Variants in ABHD5 observed in about 807,000 individuals in gnomAD.
ABHD5 encodes the protein abhydrolase domain containing 5, lysophosphatidic acid acyltransferase.
In ABHD5, 30 loss-of-function variants were observed where a neutral mutation model predicts 44.9. The observed-to-expected ratio is 0.67, with a 90% CI of 0.50 to 0.91. ABHD5 has a LOEUF of 0.91. Ranked by LOEUF, ABHD5 falls within the 40% of genes least tolerant of loss-of-function variation. ABHD5 has a pLI of 0.00. For missense variants in ABHD5, 399 were observed against 423.4 expected, an observed-to-expected ratio of 0.94 and a Z score of 0.50; for synonymous variants, 167 against 147.0, an observed-to-expected ratio of 1.14 and a Z score of -0.99.
chr3:43,725,781 T>C (rs1357098659), downstream of ABHD5, among the ~76,000 whole-genome samples: 3 of 152,110 alleles, frequency 2.0e-5, no homozygotes, highest in African/African-American at 7.2e-5. Context: ...AATAGAAATA[T>C]TAGTCACAAT....
chr3:43,725,995 A>G (rs2084875382), downstream of ABHD5, among the ~76,000 whole-genome samples: 1 of 151,800 alleles, frequency 6.6e-6, no homozygotes, highest in South Asian at 2.1e-4. Context: ...CCTCCCAAGT[A>G]GCTGGGACTA....
In ABHD5 at chr3:43,690,955, G is replaced by T. The variant is rs1473688939; in HGVS notation, c.-38G>T. 9 of 1,550,924 alleles carry T rather than the reference G, an allele frequency of 5.8e-6. No homozygotes were observed. The highest frequency in any genetic ancestry group is 7.8e-6 in the Non-Finnish European group (9 of 1,153,650). ...GGCGGCCCAGTCGGCCTGTCAGCCG[G>T]CTTCGAGATAAGTCCCGGCGCTTGC... On this transcript the variant is annotated 5_prime_UTR_variant, in exon 1 of 7. Transcript: ENST00000644371.
chr3:43,723,235 C>T (rs1244120604), downstream of ABHD5, among the ~76,000 whole-genome samples: 1 of 152,154 alleles, frequency 6.6e-6, no homozygotes, highest in Non-Finnish European at 1.5e-5. Context: ...GTTACTAGGG[C>T]ACCAATTCAA....
At chr3:43,706,449 A>T (rs1171747911) in intron 3 of ABHD5, among the ~76,000 whole-genome samples, 1 of 151,494 alleles carries the variant, frequency 6.6e-6, no homozygotes, top group African/African-American at 2.4e-5. Context: ...TTTTTCGATA[A>T]TGGACTTTGA....
chr3:43,692,231 T>C lies in ABHD5; in HGVS notation c.47+1192T>C, dbSNP rs1388794536. Reference sequence around the variant, plus strand: ...TTTGGAAAGATGTCATGGGGAAAAATTGTGAAATATTAGAAAGGAAGTTAT... The same window carrying C: ...TTTGGAAAGATGTCATGGGGAAAAACTGTGAAATATTAGAAAGGAAGTTAT... On this transcript the variant is annotated intron_variant, in intron 1 of 6. Transcript: ENST00000644371. Among the ~76,000 whole-genome samples, 3 of 152,106 alleles carry C rather than the reference T, an allele frequency of 2.0e-5. No individual in the cohort carries two copies. The East Asian group carries it at 5.8e-4, about 29-fold the overall frequency.
intron 5 of ABHD5, among the ~76,000 whole-genome samples, chr3:43,716,298 G>A (rs2084761873): frequency 6.6e-6 from 1 of 152,132 alleles, no homozygotes; most frequent in African/African-American, 2.4e-5. Flanking sequence ...TTGTTTCTAA[G>A]ACTAATATTA....
intron 5 of ABHD5, among the ~76,000 whole-genome samples, chr3:43,717,366 CA>C (rs898809814): frequency 6.6e-6 from 1 of 151,936 alleles, no homozygotes; most frequent in African/African-American, 2.4e-5. Flanking sequence ...TAAATAAGGA[CA>C]AAAAAACATA....
rs2084840672 is a variant in ABHD5 at position 43,721,848 on chromosome 3, A to G, written c.*3316A>G. On this transcript the variant is annotated 3_prime_UTR_variant, in exon 7 of 7. Transcript: ENST00000644371. ...AGACAGTTAACAGAAAATAGAATGC[A>G]AATGGTCTTTAAACATACAAGGATA... The G allele has an allele frequency of 6.6e-6, 1 of 152,248 alleles. No individual in the cohort carries two copies. The highest frequency in any genetic ancestry group is 1.5e-5 in the Non-Finnish European group (1 of 68,044). The allele number at this position is 152,248 out of a possible 1,614,324, so 9.4% of individuals were successfully genotyped here.
intron 1 of ABHD5, among the ~76,000 whole-genome samples, chr3:43,693,427 G>A (rs1009268512): frequency 1.3e-5 from 2 of 152,184 alleles, no homozygotes; most frequent in Admixed American, 6.5e-5. Context: ...GTGAATGTAG[G>A]TCTTTGCCTT....
Position 43,717,842 on chromosome 3 carries a change from A to G in ABHD5, c.945A>G (p.Ser315=). 6.2e-7 allele frequency: 1 copy of G among 1,614,182 alleles called. No homozygotes were observed. The change falls in exon 6 of 7, where the codon TCA becomes TCG. Residue 315 remains serine, a synonymous_variant. Transcript: ENST00000644371. ...GTSIQSLRPH[S]YVKTIAILGA... ...GCATCCAGTCCTTACGACCACATTC[A>G]TATGTGAAGACAATAGTAAGTGTGT...
chr3:43,728,753 C>G (rs2084894274), intron 7 of ABHD5, among the ~76,000 whole-genome samples: 1 of 152,210 alleles, frequency 6.6e-6, no homozygotes, highest in Non-Finnish European at 1.5e-5. Flanking sequence ...ACAACCTCCA[C>G]TAACAGAGAT....
At chr3:43,705,420 G>C (rs796393344) in intron 3 of ABHD5, among the ~76,000 whole-genome samples, 10 of 152,292 alleles carry the variant, frequency 6.6e-5, no homozygotes, top group African/African-American at 2.4e-4. Flanking sequence ...ATGTGTGAGA[G>C]AAAGGTATTA....
rs371369268 is a variant in ABHD5, at chr3:43,731,418, A to G, written c.*30-2462A>G. 4.4e-4 allele frequency among the ~76,000 whole-genome samples: 67 copies of G among 152,334 alleles called. 1 individual carries two copies. In the South Asian group the frequency reaches 0.013, roughly 29 times the overall value. ...TTTAGAATTCTATATTCTGTTTACT[A>G]TCTTTAAGAGTGAGAACAAAATAAC... On this transcript the variant is annotated intron_variant, in intron 7 of 7. Transcript: ENST00000454293.
At chr3:43,722,907 T>G (rs2084852849), downstream of ABHD5, among the ~76,000 whole-genome samples, 1 of 152,226 alleles carries the variant, frequency 6.6e-6, no homozygotes, top group Non-Finnish European at 1.5e-5. Context: ...AAATACGTAT[T>G]GCATAGCTTT....
chr3:43,714,768 T>C (rs1007649648), intron 4 of ABHD5, among the ~76,000 whole-genome samples, 179 bp from the exon 5 acceptor site: 1 of 152,172 alleles, frequency 6.6e-6, no homozygotes, highest in Non-Finnish European at 1.5e-5. Flanking sequence ...TGGGGAACTT[T>C]AGGAGGACAG....
In ABHD5 at chr3:43,711,879, C is replaced by G; in HGVS notation, c.661+16C>G. ...GGACCCTTTGGTGAGTGCTTATGTT[C>G]TAGGAAAGCAAAATGTTTGTAAGTT... On this transcript the variant is annotated intron_variant, in intron 4 of 6. Coordinates refer to ENST00000644371, the MANE Select transcript of ABHD5 (RefSeq NM_016006.6). 6.2e-7 allele frequency: 1 copy of G among 1,613,996 alleles called. No homozygotes were observed. The highest frequency in any genetic ancestry group is 8.5e-7 in the Non-Finnish European group (1 of 1,179,948).
intron 5 of ABHD5, among the ~76,000 whole-genome samples, chr3:43,717,124 C>T (rs2084772926): frequency 1.3e-5 from 2 of 151,662 alleles, no homozygotes; most frequent in South Asian, 4.2e-4. Context: ...TGAGCTGAGA[C>T]TGTGCGTGCA....
At chr3:43,728,794 G>T (rs1253116948) in intron 7 of ABHD5, among the ~76,000 whole-genome samples, 1 of 152,132 alleles carries the variant, frequency 6.6e-6, no homozygotes, top group Admixed American at 6.5e-5. Context: ...AAAGAACAAG[G>T]CCTGAGCGCC....
At chr3:43,691,174 G>A (rs1441697092) in intron 1 of ABHD5, 135 bp downstream of exon 1, 5 of 872,166 alleles carry the variant, frequency 5.7e-6, no homozygotes, top group East Asian at 3.4e-5. Flanking sequence ...GACCCTCCCC[G>A]GCATGAGTCC....
Sources: gnomAD v4.1 joint callset for allele counts (sites outside exome capture counted in the v4.1 genomes callset) on GRCh38, gnomAD v4.1.1 for gene constraint, MANE v1.5 for transcripts, NCBI Gene and HGNC (gene_info 2026-07-23, HGNC 2026-07-21) for gene names.